CBFA2T2: variants seen among roughly 807,000 people sequenced by gnomAD.
The protein encoded by CBFA2T2 is CBFA2/RUNX1 partner transcriptional co-repressor 2.
Under a neutral mutation model 62.2 loss-of-function variants are expected in CBFA2T2, and 11 were observed. That is an observed-to-expected ratio of 0.18 (90% CI 0.11 to 0.29). The LOEUF (loss-of-function observed/expected upper bound fraction) is 0.29, where lower values mean the gene tolerates loss of function less well. Ranked by LOEUF, CBFA2T2 falls within the 10% of genes least tolerant of loss-of-function variation. The probability of loss-of-function intolerance (pLI) is 1.00; values close to 1 mark genes in which losing one functional copy is unlikely to be tolerated. For missense variants in CBFA2T2, 592 were observed against 774.1 expected (o/e 0.76, Z 2.79); for synonymous variants, 295 against 287.5 (o/e 1.03, Z -0.27).
Position 33,503,432 on chromosome 20 carries a change from T to C in CBFA2T2, c.34+13131T>C, listed in dbSNP as rs569353698. On this transcript the variant is annotated intron_variant, in intron 1 of 10. Coordinates refer to ENST00000342704, the MANE Select transcript of CBFA2T2 (RefSeq NM_001032999.3). ...ATCAGGCCCAGCTAATTTTTGTATTTTTAGTAGAGACGGGGTTTCACCATG... is the reference window on the plus strand; with the variant it reads ...ATCAGGCCCAGCTAATTTTTGTATTCTTAGTAGAGACGGGGTTTCACCATG... Among the ~76,000 whole-genome samples, 771 of 151,936 alleles carry C rather than the reference T, an allele frequency of 5.1e-3. 6 individuals are homozygous for C. The highest frequency in any genetic ancestry group is 0.018 in the African/African-American group (728 of 41,478).
At position 33,548,974 on chromosome 20, in the gene CBFA2T2, GTCCATCCATCCA is replaced by G. The variant is rs145778204; in HGVS notation, c.35-57962_35-57951del. Among the ~76,000 whole-genome samples, 478 of 151,544 alleles carry G rather than the reference GTCCATCCATCCA, an allele frequency of 3.2e-3. 1 individual carries two copies. Among genetic ancestry groups the G allele is most frequent in the African/African-American group, 0.01 (419 of 41,200 alleles). ...CAAGACCCTGTCCATCTGTCCATCC[GTCCATCCATCCA>G]TCCATCCATCCATCCATCCGTATTC... is the stretch of plus-strand genomic sequence containing the variant. On this transcript the variant is annotated intron_variant, in intron 1 of 10. Transcript: ENST00000342704.
At position 33,642,114 on chromosome 20, in the gene CBFA2T2, TTTTGTG is replaced by T. The variant is rs1470224722; in HGVS notation, c.1488+1585_1488+1590del. Among the ~76,000 whole-genome samples the T allele has an allele frequency of 1.8e-3, 115 of 62,864 alleles. 2 individuals carry two copies. Among genetic ancestry groups the T allele is most frequent in the East Asian group, 4.9e-3 (12 of 2,426 alleles). 41.2% of individuals were successfully genotyped at this position (62,864 alleles called of 152,430 possible). ...TCTCCTCCTCCTTTGTCTTTTTTTT[TTTTGTG>T]TGTGTGTGTGTGTGTGTGTGTGTGT... On this transcript the variant is annotated intron_variant, in intron 10 of 10. Coordinates refer to ENST00000342704, the MANE Select transcript of CBFA2T2 (RefSeq NM_001032999.3).
chr20:33,613,384 A>G (rs2015595547), intron 3 of CBFA2T2, among the ~76,000 whole-genome samples: 1 of 152,230 alleles, frequency 6.6e-6, no homozygotes, highest in African/African-American at 2.4e-5. Flanking sequence ...GCTAAGATCT[A>G]TTACAGAGGC....
At chr20:33,516,181 C>T (rs961870080) in intron 1 of CBFA2T2, among the ~76,000 whole-genome samples, 5 of 152,036 alleles carry the variant, frequency 3.3e-5, no homozygotes, top group African/African-American at 4.8e-5. Context: ...TTAAAAACTA[C>T]AGCGTCAGAC....
intron 1 of CBFA2T2, among the ~76,000 whole-genome samples, chr20:33,538,055 G>T (rs567053808): frequency 2.0e-5 from 3 of 150,148 alleles, no homozygotes; most frequent in Non-Finnish European, 3.0e-5. Context: ...GAATCTGTTT[G>T]GGGGAAGAGC....
At chr20:33,629,080 C>T (rs1396589776) in intron 7 of CBFA2T2, among the ~76,000 whole-genome samples, 1 of 152,190 alleles carries the variant, frequency 6.6e-6, no homozygotes, top group Admixed American at 6.5e-5. Context: ...CAAGTCTAGT[C>T]TGGGCAACAT....
chr20:33,624,628 A>G, intron 5 of CBFA2T2, 136 bp from the exon 6 acceptor site: 3 of 910,620 alleles, frequency 3.3e-6, no homozygotes, highest in Non-Finnish European at 5.1e-6. Context: ...CTCATGCCTC[A>G]TGTCACACCT....
chr20:33,612,066 G>A (rs6120328), intron 3 of CBFA2T2, among the ~76,000 whole-genome samples: 88,537 of 152,046 alleles, frequency 0.58, 27,267 homozygotes, highest in African/African-American at 0.78. Context: ...TACAAGTTAC[G>A]TGGCCTAAAT....
intron 1 of CBFA2T2, among the ~76,000 whole-genome samples, chr20:33,522,624 C>T (rs544476153): frequency 1.3e-5 from 2 of 152,018 alleles, no homozygotes; most frequent in South Asian, 4.2e-4. Context: ...TGCCTGTAGT[C>T]CCAACCTACT....
chr20:33,617,219 G>GCTA (rs1329855246), intron 3 of CBFA2T2, among the ~76,000 whole-genome samples: 4 of 151,634 alleles, frequency 2.6e-5, no homozygotes, highest in Non-Finnish European at 5.9e-5. Flanking sequence ...AAGTGACAGA[G>GCTA]CTAGACCCTA....
chr20:33,532,058 T>C (rs889697746), intron 1 of CBFA2T2, among the ~76,000 whole-genome samples: 8 of 152,184 alleles, frequency 5.3e-5, no homozygotes, highest in Non-Finnish European at 1.2e-4. Flanking sequence ...AAGCTGCAGT[T>C]ACCAGACTTA....
chr20:33,568,480 C>T (rs543948396), intron 1 of CBFA2T2, among the ~76,000 whole-genome samples: 36 of 152,130 alleles, frequency 2.4e-4, no homozygotes, highest in Non-Finnish European at 4.4e-4. Context: ...ATTTAGGGAC[C>T]TTGCACCACT....
chr20:33,611,432 A>AT (rs2019235233), intron 3 of CBFA2T2, 97 bp downstream of exon 3: 2 of 1,392,438 alleles, frequency 1.4e-6, no homozygotes, highest in Admixed American at 3.6e-5. Context: ...TTTCAAACCC[A>AT]TGGTCATATG....
intron 1 of CBFA2T2, among the ~76,000 whole-genome samples, chr20:33,524,362 G>A (rs1482753934): frequency 6.6e-6 from 1 of 152,000 alleles, no homozygotes; most frequent in East Asian, 1.9e-4. Flanking sequence ...TTTGGATTCT[G>A]TGGATTCCAG....
intron 1 of CBFA2T2, among the ~76,000 whole-genome samples, chr20:33,557,160 G>T (rs2012924310): frequency 6.6e-6 from 1 of 151,706 alleles, no homozygotes; most frequent in Non-Finnish European, 1.5e-5. Context: ...GATTACAGGT[G>T]CCTACCACCA....
intron 8 of CBFA2T2, among the ~76,000 whole-genome samples, chr20:33,635,715 A>G (rs1299926509): frequency 2.0e-5 from 3 of 152,116 alleles, no homozygotes; most frequent in Non-Finnish European, 2.9e-5. Context: ...TGTGCAAAAA[A>G]TTTAGAAGGG....
Position 33,511,722 on chromosome 20 carries a change from A to T in CBFA2T2, c.34+21421A>T, listed in dbSNP as rs564881896. ...TCATACCTGTGTAGCTACTATGTAG[A>T]TCAAGAAATAAAGCATTAGGGCATG... On this transcript the variant is annotated intron_variant, in intron 1 of 10. Transcript: ENST00000342704. Among the ~76,000 whole-genome samples the T allele has an allele frequency of 3.3e-5, 5 of 152,326 alleles. No individual in the cohort carries two copies. In the South Asian group the frequency reaches 6.2e-4, roughly 19 times the overall value.
intron 1 of CBFA2T2, among the ~76,000 whole-genome samples, chr20:33,502,625 G>C: frequency 6.6e-6 from 1 of 150,826 alleles, no homozygotes; most frequent in Non-Finnish European, 1.5e-5. Context: ...GGATGGTCTG[G>C]ATCTCCTGAC....
chr20:33,518,291 A>G (rs1406740189), intron 1 of CBFA2T2, among the ~76,000 whole-genome samples: 2 of 152,042 alleles, frequency 1.3e-5, no homozygotes, highest in Non-Finnish European at 2.9e-5. Flanking sequence ...CCATGCACCA[A>G]ATTCCCATGC....
Sources: gnomAD v4.1 joint callset for allele counts (sites outside exome capture counted in the v4.1 genomes callset) on GRCh38, gnomAD v4.1.1 for gene constraint, MANE v1.5 for transcripts, NCBI Gene and HGNC (gene_info 2026-07-23, HGNC 2026-07-21) for gene names.